FAF2: variants seen among roughly 807,000 people sequenced by gnomAD.
FAF2 encodes the protein Fas associated factor family member 2.
Under a neutral mutation model 62.3 loss-of-function variants are expected in FAF2, and 9 were observed. The ratio of observed to expected loss-of-function variants is 0.14; its 90% CI spans 0.09 to 0.25. FAF2 has a LOEUF of 0.25. Ranked by LOEUF, FAF2 falls within the 10% of genes least tolerant of loss-of-function variation. The probability of loss-of-function intolerance (pLI) is 1.00; values close to 1 mark genes in which losing one functional copy is unlikely to be tolerated. For synonymous variants in FAF2, 202 were observed against 198.0 expected (o/e 1.02, Z -0.17); for missense variants, 368 against 556.2 (o/e 0.66, Z 3.40).
At chr5:176,476,873 T>G (rs1187463679) in intron 1 of FAF2, among the ~76,000 whole-genome samples, 17 of 146,326 alleles carry the variant, frequency 1.2e-4, no homozygotes, top group Non-Finnish European at 1.9e-4. Flanking sequence ...GCAGTGGCGC[T>G]ATCTCAGCTC....
intron 10 of FAF2, among the ~76,000 whole-genome samples, chr5:176,502,314 C>T (rs986606959): frequency 1.3e-5 from 2 of 152,198 alleles, no homozygotes; most frequent in African/African-American, 4.8e-5. Context: ...GGCGTTGTGG[C>T]TCACGCCTAT....
chr5:176,492,243 C>T lies in FAF2; in HGVS notation c.394C>T (p.Pro132Ser), dbSNP rs758178266. The T allele has an allele frequency of 6.2e-7, 1 of 1,614,094 alleles. No homozygotes were observed. The highest frequency in any genetic ancestry group is 1.3e-5 in the African/African-American group (1 of 75,022). Reference sequence around the variant, plus strand: ...TGACCCTCGCAGCCGGGTCACTGACCCCGTTGGGGACATTGTTTCATTTAT... The same window carrying T: ...TGACCCTCGCAGCCGGGTCACTGACTCCGTTGGGGACATTGTTTCATTTAT... ...RPDPRSRVTD[P>S]VGDIVSFMHS... Residue 132 changes from proline to serine, a missense_variant, in exon 5 of 11, where the codon CCC becomes TCC. Pro to Ser is a moderately conservative substitution (Grantham distance 74, BLOSUM62 -1). Around this residue, in one of 2 missense-constraint regions of FAF2, gnomAD observed 331 missense variants for 441.9 expected, o/e 0.75. Coordinates refer to ENST00000261942, the MANE Select transcript of FAF2 (RefSeq NM_014613.3).
At chr5:176,463,082 G>A (rs1474044023) in intron 1 of FAF2, among the ~76,000 whole-genome samples, 1 of 152,072 alleles carries the variant, frequency 6.6e-6, no homozygotes, top group East Asian at 1.9e-4. Flanking sequence ...TTAAGTGAAA[G>A]AATCAATACT....
At chr5:176,483,269 C>T (rs557372920) in intron 2 of FAF2, among the ~76,000 whole-genome samples, 1 of 152,178 alleles carries the variant, frequency 6.6e-6, no homozygotes, top group African/African-American at 2.4e-5. Context: ...TTGATGAAGT[C>T]CAATTTATCT....
At chr5:176,476,870 C>T (rs1259738920) in intron 1 of FAF2, among the ~76,000 whole-genome samples, 6 of 138,258 alleles carry the variant, frequency 4.3e-5, no homozygotes, top group African/African-American at 1.1e-4. Context: ...AGTGCAGTGG[C>T]GCTATCTCAG....
chr5:176,472,186 A>G (rs1758582543), intron 1 of FAF2, among the ~76,000 whole-genome samples: 1 of 151,718 alleles, frequency 6.6e-6, no homozygotes, highest in African/African-American at 2.4e-5. Context: ...GCTAGAGCAC[A>G]GTGGTGCTAT....
At chr5:176,478,520 T>A (rs988989971) in intron 1 of FAF2, among the ~76,000 whole-genome samples, 20 of 151,964 alleles carry the variant, frequency 1.3e-4, no homozygotes, top group African/African-American at 4.8e-4. Context: ...GTATGTTAGG[T>A]TTTACACAGT....
intron 10 of FAF2, 70 bp from the exon 11 acceptor site, chr5:176,506,690 TGTGTGTGC>T (rs10563462): frequency 0.65 from 747,372 of 1,151,510 alleles, 236,094 homozygotes; most frequent in Non-Finnish European, 0.67. Flanking sequence ...ACTTCAGAGT[TGTGTGTGC>T]GTGTGTGCGT....
chr5:176,500,134 A>C lies in FAF2; in HGVS notation c.1143A>C (p.Ser381=). 1 of 1,614,016 alleles carries C rather than the reference A, an allele frequency of 6.2e-7. No individual in the cohort carries two copies. The highest frequency in any genetic ancestry group is 8.5e-7 in the Non-Finnish European group (1 of 1,179,948). ...GAGTAGAGAGACGATTCCACTTTTC[A>C]CAGTCTCTAACAGTAAGGACCACCT... ...DSRVERRFHF[S]QSLTVIHDFL... Residue 381 remains serine, a synonymous_variant, in exon 10 of 11, where the codon TCA becomes TCC. Coordinates refer to ENST00000261942, the MANE Select transcript of FAF2 (RefSeq NM_014613.3).
In FAF2 at chr5:176,479,260, T is replaced by C; in HGVS notation, c.132+4T>C. The C allele has an allele frequency of 6.2e-7, 1 of 1,609,368 alleles. No homozygotes were observed. The highest frequency in any genetic ancestry group is 8.5e-7 in the Non-Finnish European group (1 of 1,175,692). On this transcript the variant is annotated splice_donor_region_variant and intron_variant, in intron 2 of 10. Coordinates refer to ENST00000261942, the MANE Select transcript of FAF2 (RefSeq NM_014613.3). The stretch of plus-strand genomic sequence containing the variant: ...ACAGCATAACTGGAACATAGAGGTA[T>C]AATAGGATGTGTTCTGAGCTTATTT...
At chr5:176,505,610 C>T (rs761103276) in intron 10 of FAF2, among the ~76,000 whole-genome samples, 5 of 152,288 alleles carry the variant, frequency 3.3e-5, no homozygotes, top group Admixed American at 6.5e-5. Context: ...TTATCCCTCA[C>T]CCCTTCCCAC....
rs920371542 is a variant in FAF2, at chr5:176,462,421, C to T, written c.63+13951C>T. ...CAGGCAGATCATGAGGTCAAGAGATCGAGACCATCCTGGCCAACATGGTGA... is the reference window on the plus strand; with the variant it reads ...CAGGCAGATCATGAGGTCAAGAGATTGAGACCATCCTGGCCAACATGGTGA... On this transcript the variant is annotated intron_variant, in intron 1 of 10. Transcript: ENST00000261942. 8.6e-5 allele frequency among the ~76,000 whole-genome samples: 13 copies of T among 151,860 alleles called. No homozygotes were observed. In the East Asian group the frequency reaches 2.3e-3, roughly 27 times the overall value.
At chr5:176,459,037 C>T (rs1581468468) in intron 1 of FAF2, among the ~76,000 whole-genome samples, 1 of 152,100 alleles carries the variant, frequency 6.6e-6, no homozygotes, top group South Asian at 2.1e-4. Context: ...TTTAACTCCA[C>T]AGAGTTTTGG....
At chr5:176,459,250 C>CTT (rs11386560) in intron 1 of FAF2, among the ~76,000 whole-genome samples, 11,270 of 116,406 alleles carry the variant, frequency 0.097, 1,074 homozygotes, top group East Asian at 0.22. Flanking sequence ...TCCAGTTAAC[C>CTT]TTTTTTTTTT....
intron 2 of FAF2, among the ~76,000 whole-genome samples, chr5:176,485,359 C>G (rs1758857480): frequency 6.6e-6 from 1 of 152,172 alleles, no homozygotes. Context: ...AAGTTCCCCA[C>G]CCTAAACCAC....
chr5:176,488,581 C>T (rs1487742244), intron 3 of FAF2, among the ~76,000 whole-genome samples: 1 of 151,616 alleles, frequency 6.6e-6, no homozygotes, highest in African/African-American at 2.4e-5. Flanking sequence ...TGCCACCATG[C>T]CTGGCTAATT....
At chr5:176,459,508 G>A (rs992396802) in intron 1 of FAF2, among the ~76,000 whole-genome samples, 2 of 151,966 alleles carry the variant, frequency 1.3e-5, no homozygotes, top group Non-Finnish European at 2.9e-5. Flanking sequence ...CAAGCGATCT[G>A]CCTGCCTCAG....
In FAF2 at chr5:176,468,896, A is replaced by G. The variant is rs377399228; in HGVS notation, c.64-10292A>G. ...GAGCAGATGGTTACAGTGAGCTATG[A>G]TCATGCTACTGTACTCCAGAGTGAG... is the stretch of plus-strand genomic sequence containing the variant. On this transcript the variant is annotated intron_variant, in intron 1 of 10. Coordinates refer to ENST00000261942, the MANE Select transcript of FAF2 (RefSeq NM_014613.3). Among the ~76,000 whole-genome samples the G allele has an allele frequency of 3.9e-5, 6 of 152,228 alleles. No homozygotes were observed. In the South Asian group the frequency reaches 6.2e-4, roughly 16 times the overall value.
chr5:176,474,329 T>C (rs929230770), intron 1 of FAF2, among the ~76,000 whole-genome samples: 1 of 152,192 alleles, frequency 6.6e-6, no homozygotes. Context: ...TATGCAGATA[T>C]AGTGGCTTCA....
Sources: gnomAD v4.1 joint callset for allele counts (sites outside exome capture counted in the v4.1 genomes callset) on GRCh38, gnomAD v4.1.1 for gene constraint, gnomAD v4.1.1 regional missense constraint, MANE v1.5 for transcripts, NCBI Gene and HGNC (gene_info 2026-07-23, HGNC 2026-07-21) for gene names.